The following CRX variants were observed in gnomAD, a reference collection of about 807,000 sequenced individuals.
CRX encodes the protein cone-rod homeobox protein.
In CRX, 5 loss-of-function variants were observed where a neutral mutation model predicts 13.1. That is an observed-to-expected ratio of 0.38 (90% confidence interval 0.20 to 0.80). The LOEUF (loss-of-function observed/expected upper bound fraction) is 0.80. Among genes scored for constraint, CRX ranks in the 30% least tolerant of loss-of-function variants. The pLI is 0.43. For synonymous variants in CRX, 179 were observed against 171.1 expected, an observed-to-expected ratio of 1.05 and a Z score of -0.36; for missense variants, 351 against 391.8, an observed-to-expected ratio of 0.90 and a Z score of 0.88.
chr19:47,836,270 G>T lies in CRX; in HGVS notation c.128G>T (p.Arg43Leu), dbSNP rs771736389. 6.2e-7 allele frequency: 1 copy of T among 1,614,108 alleles called. No individual in the cohort carries two copies. Among genetic ancestry groups the T allele is most frequent in the Non-Finnish European group, 8.5e-7 (1 of 1,180,002 alleles). ...PSAPRKQRRE[R>L]TTFTRSQLEE... The stretch of plus-strand genomic sequence containing the variant: ...GCCCCCAGGAAGCAGCGGCGGGAGC[G>T]CACCACCTTCACCCGGAGCCAACTG... Residue 43 changes from arginine to leucine, a missense_variant, in exon 3 of 4, where the codon CGC becomes CTC. Transcript: ENST00000221996.
chr19:47,829,123 T>C (rs1287605671), intron 1 of CRX, among the ~76,000 whole-genome samples: 1 of 152,016 alleles, frequency 6.6e-6, no homozygotes, highest in Non-Finnish European at 1.5e-5. Flanking sequence ...ATTATAATAC[T>C]TATTATTTTT....
intron 1 of CRX, among the ~76,000 whole-genome samples, chr19:47,832,991 C>T (rs1286189786): frequency 1.3e-5 from 2 of 148,410 alleles, no homozygotes; most frequent in Admixed American, 6.7e-5. Flanking sequence ...CTTTGCCAAC[C>T]TGATAGGTCA....
intron 1 of CRX, among the ~76,000 whole-genome samples, chr19:47,832,509 T>C (rs750292560): frequency 6.6e-6 from 1 of 152,020 alleles, no homozygotes; most frequent in Non-Finnish European, 1.5e-5. Flanking sequence ...TTCTTTTTTT[T>C]GAGACGGAGT....
chr19:47,834,548 G>C lies in CRX; in HGVS notation c.100+5G>C. ...ACCAGGCTGTGCCCTACCCAAGTGAGTACAGTCGTTTCTCTTGGCACCCCA... is the reference window on the plus strand; with the variant it reads ...ACCAGGCTGTGCCCTACCCAAGTGACTACAGTCGTTTCTCTTGGCACCCCA... On this transcript the variant is annotated splice_donor_5th_base_variant and intron_variant, in intron 2 of 3. Transcript: ENST00000221996. 6.2e-7 allele frequency: 1 copy of C among 1,612,196 alleles called. No individual in the cohort carries two copies. The highest frequency in any genetic ancestry group is 8.5e-7 in the Non-Finnish European group (1 of 1,178,280).
intron 3 of CRX, among the ~76,000 whole-genome samples, chr19:47,837,777 AT>A (rs1275039234): frequency 6.6e-6 from 1 of 152,118 alleles, no homozygotes; most frequent in Admixed American, 6.6e-5. Flanking sequence ...TCTATGTATG[AT>A]GTATGTGTGT....
Position 47,839,184 on chromosome 19 carries a change from C to T in CRX, c.253-136C>T, listed in dbSNP as rs1968158080. On this transcript the variant is annotated intron_variant, in intron 3 of 3. Transcript: ENST00000221996. The surrounding 1 kb of genome is among the most constrained non-coding windows in gnomAD (Gnocchi z 4.6). ...GATGGATGGATGGGTGAATAGACGC[C>T]CCACAGCTGGATGCAAAGTAGACAG... is the stretch of plus-strand genomic sequence containing the variant. 1 of 928,722 alleles carries T rather than the reference C, an allele frequency of 1.1e-6. No homozygotes were observed. The highest frequency in any genetic ancestry group is 1.6e-6 in the Non-Finnish European group (1 of 612,068). 57.5% of individuals were successfully genotyped at this position (928,722 alleles called of 1,614,324 possible). A position where few individuals can be genotyped will look rare whatever the true frequency, so the allele number is the denominator to read the frequency against.
At chr19:47,836,150 C>T in intron 2 of CRX, 93 bp from the exon 3 acceptor site, 1 of 1,498,964 alleles carries the variant, frequency 6.7e-7, no homozygotes. Flanking sequence ...CAGATGGCAA[C>T]CAGGATGGAA....
chr19:47,833,483 T>C (rs1968079993), intron 1 of CRX, among the ~76,000 whole-genome samples: 1 of 151,888 alleles, frequency 6.6e-6, no homozygotes, highest in South Asian at 2.1e-4. Context: ...GGTTTCACCA[T>C]GTTGGCCAGG....
chr19:47,824,060 T>A (rs545332914), intron 1 of CRX, among the ~76,000 whole-genome samples: 25 of 152,260 alleles, frequency 1.6e-4, no homozygotes, highest in African/African-American at 6.0e-4. Context: ...TGATAAGCTG[T>A]CACCATGATC....
chr19:47,832,103 A>ATGTTTTTTTTTT (rs1968054570), intron 1 of CRX, among the ~76,000 whole-genome samples: 2 of 55,164 alleles, frequency 3.6e-5, no homozygotes, highest in Non-Finnish European at 8.1e-5. Context: ...GAGCAGCCTT[A>ATGTTTTTTTTTT]TGTTTTTTTT....
In CRX at chr19:47,832,142, G is replaced by A. The variant is rs1242477610; in HGVS notation, c.-35-2267G>A. Reference sequence around the variant, plus strand: ...TTTTTTTGAGACGGAGTCTCGCTCTGTCGCCCAAGCTGGAGTGCAGTGGCT... The same window carrying A: ...TTTTTTTGAGACGGAGTCTCGCTCTATCGCCCAAGCTGGAGTGCAGTGGCT... On this transcript the variant is annotated intron_variant, in intron 1 of 3. Coordinates refer to ENST00000221996, the MANE Select transcript of CRX (RefSeq NM_000554.6). Among the ~76,000 whole-genome samples the A allele has an allele frequency of 5.0e-5, 6 of 119,626 alleles. No homozygotes were observed. In the East Asian group the frequency reaches 1.4e-3, roughly 28 times the overall value. The allele number at this position is 119,626 out of a possible 152,430, so 78.5% of individuals were successfully genotyped here.
chr19:47,825,281 G>A (rs998572858), intron 1 of CRX, among the ~76,000 whole-genome samples: 3 of 151,962 alleles, frequency 2.0e-5, no homozygotes, highest in Non-Finnish European at 4.4e-5. Context: ...TTTGTTTTGA[G>A]AGAGGATCTT....
At chr19:47,822,882 C>T (rs550375299) in intron 1 of CRX, among the ~76,000 whole-genome samples, 1 of 152,166 alleles carries the variant, frequency 6.6e-6, no homozygotes, top group Non-Finnish European at 1.5e-5. Flanking sequence ...CAACCTCTAC[C>T]TCCTAGGTCC....
At chr19:47,832,398 GC>G (rs1555801510) in intron 1 of CRX, among the ~76,000 whole-genome samples, 1 of 151,508 alleles carries the variant, frequency 6.6e-6, no homozygotes, top group Non-Finnish European at 1.5e-5. Flanking sequence ...GAGCCACTGC[GC>G]CCAGGCTTAC....
chr19:47,835,338 A>C (rs775684951), intron 2 of CRX, among the ~76,000 whole-genome samples: 2 of 151,238 alleles, frequency 1.3e-5, no homozygotes, highest in African/African-American at 2.4e-5. Context: ...GATTACAGGC[A>C]TGAGCCACTG....
intron 1 of CRX, among the ~76,000 whole-genome samples, chr19:47,828,833 G>C (rs1173334916): frequency 6.6e-6 from 1 of 151,136 alleles, no homozygotes; most frequent in African/African-American, 2.4e-5. Context: ...AACCCTCAGA[G>C]GGTTTTCATG....
At position 47,839,705 on chromosome 19, in the gene CRX, C is replaced by T. The variant is rs779129827; in HGVS notation, c.638C>T (p.Ser213Phe). Residue 213 changes from serine (S) to phenylalanine (F), a missense_variant, in exon 4 of 4, where the codon TCC (serine) becomes TTC (phenylalanine). Coordinates refer to ENST00000221996, the MANE Select transcript of CRX (RefSeq NM_000554.6). This position sits in a 1 kb window ranked among gnomAD's most constrained non-coding sequence, Gnocchi z 4.6. ...CCCTCCGCCTATGGGTCTCCGAGCT[C>T]CTATTTCAGCGGCCTAGACCCCTAC... Reference protein sequence around the residue: ...SSPSAYGSPSSYFSGLDPYLS... With the variant: ...SSPSAYGSPSFYFSGLDPYLS... 1.2e-6 allele frequency: 2 copies of T among 1,613,994 alleles called. No individual in the cohort carries two copies. The highest frequency in any genetic ancestry group is 1.1e-5 in the South Asian group (1 of 91,080).
intron 1 of CRX, among the ~76,000 whole-genome samples, chr19:47,828,653 G>A (rs1968006175): frequency 6.7e-6 from 1 of 149,948 alleles, no homozygotes; most frequent in Non-Finnish European, 1.5e-5. Flanking sequence ...AGGGGCGTAG[G>A]TTGCTTTCTC....
intron 1 of CRX, among the ~76,000 whole-genome samples, chr19:47,828,454 C>T (rs556751033): frequency 6.6e-6 from 1 of 151,990 alleles, no homozygotes; most frequent in South Asian, 2.1e-4. Flanking sequence ...TCTTATGTTT[C>T]AAATATTTAT....
Sources: allele counts gnomAD v4.1 joint callset (sites outside exome capture counted in the v4.1 genomes callset), GRCh38; gene constraint gnomAD v4.1.1; non-coding constraint Gnocchi (gnomAD v3.1); transcripts MANE v1.5; gene names NCBI Gene and HGNC (gene_info 2026-07-23, HGNC 2026-07-21).